The following C21orf58 variants were observed in gnomAD, a reference collection of about 807,000 sequenced individuals.
C21orf58 encodes the protein uncharacterized protein C21orf58.
In C21orf58, 34 loss-of-function variants were observed where a neutral mutation model predicts 35.8. The ratio of observed to expected loss-of-function variants is 0.95; its 90% confidence interval spans 0.72 to 1.26. The LOEUF is 1.26. C21orf58 is among the 50% of genes most tolerant of loss of function. The pLI is 0.00. For synonymous variants in C21orf58, 191 were observed against 175.8 expected (o/e 1.09, Z -0.68); for missense variants, 440 against 414.3 (o/e 1.06, Z -0.54).
At chr21:46,310,054 G>A (rs527620384) in intron 6 of C21orf58, among the ~76,000 whole-genome samples, 15 of 152,006 alleles carry the variant, frequency 9.9e-5, no homozygotes, top group East Asian at 1.9e-4. Context: ...ACATAGTGAC[G>A]GAAAGCTGCT....
chr21:46,321,312 G>C (rs1313889355), intron 1 of C21orf58, among the ~76,000 whole-genome samples: 4 of 152,104 alleles, frequency 2.6e-5, no homozygotes, highest in African/African-American at 9.7e-5. Flanking sequence ...GGGACTACAG[G>C]TACGTGCCAT....
chr21:46,318,131 T>A lies in C21orf58; in HGVS notation c.190A>T (p.Arg64Trp), dbSNP rs559763047. ...EQFFPASNRT[R>W]EGGGLWPPLP... ...GGAGGCCACAGCCCACCTCCCTCCC[T>A]GGTTCTGTTACTCGCAGGAAAGAAC... Residue 64 changes from arginine (R) to tryptophan (W), a missense_variant, in exon 2 of 8, where the codon AGG becomes TGG. Transcript: ENST00000291691. 5.0e-6 allele frequency: 8 copies of A among 1,612,974 alleles called. No homozygotes were observed. Among genetic ancestry groups the A allele is most frequent in the South Asian group, 2.2e-5 (2 of 91,086 alleles).
At chr21:46,304,066 A>G (rs34026281) in intron 6 of C21orf58, among the ~76,000 whole-genome samples, 116,547 of 116,660 alleles carry the variant, frequency 1, 58,218 homozygotes, top group Middle Eastern at 1. Flanking sequence ...TCACTGTGTC[A>G]CCCAGGCTGG....
intron 6 of C21orf58, among the ~76,000 whole-genome samples, chr21:46,308,694 A>G (rs2082536005): frequency 6.6e-6 from 1 of 151,902 alleles, no homozygotes; most frequent in East Asian, 1.9e-4. Context: ...TTGGAACTTA[A>G]TCCTCAATGT....
downstream of C21orf58, chr21:46,301,095 T>G (rs981702390): frequency 4.0e-6 from 4 of 1,012,456 alleles, no homozygotes; most frequent in African/African-American, 6.9e-5. Context: ...CTTTTTTTTT[T>G]TTATTAACTC....
Position 46,316,172 on chromosome 21 carries a change from C to A in C21orf58, c.371-625G>T, listed in dbSNP as rs1047288903. ...TGTCTCAGGAATAAAAAAAAAAAATCTGGCCAGGTGCAGTGAGTCACACCT... is the reference window on the plus strand; with the variant it reads ...TGTCTCAGGAATAAAAAAAAAAAATATGGCCAGGTGCAGTGAGTCACACCT... On this transcript the variant is annotated intron_variant, in intron 3 of 7. Coordinates refer to ENST00000291691, the MANE Select transcript of C21orf58 (RefSeq NM_058180.5). 7.9e-5 allele frequency among the ~76,000 whole-genome samples: 12 copies of A among 151,814 alleles called. No individual in the cohort carries two copies. In the South Asian group the frequency reaches 1.0e-3, roughly 13 times the overall value.
At chr21:46,306,934 C>T (rs575095729) in intron 6 of C21orf58, among the ~76,000 whole-genome samples, 22 of 148,960 alleles carry the variant, frequency 1.5e-4, no homozygotes, top group African/African-American at 5.0e-4. Flanking sequence ...CTTGGTCTGT[C>T]ACCCAGGCTG....
At chr21:46,319,908 T>TA (rs1363919193) in intron 1 of C21orf58, among the ~76,000 whole-genome samples, 6 of 149,782 alleles carry the variant, frequency 4.0e-5, no homozygotes, top group Non-Finnish European at 7.4e-5. Context: ...GGAAAAAAAA[T>TA]AAAAAAAATA....
In C21orf58 at chr21:46,317,337, C is replaced by G. The variant is rs962213093; in HGVS notation, c.310-69G>C. On this transcript the variant is annotated intron_variant, in intron 2 of 7. Coordinates refer to ENST00000291691, the MANE Select transcript of C21orf58 (RefSeq NM_058180.5). ...AAGGCCCTGTGTGCTCCAGGAATGA[C>G]TAAGAGGCTTTCTGAGTGAAAAGAA... 3 of 1,573,034 alleles carry G rather than the reference C, an allele frequency of 1.9e-6. No homozygotes were observed. In the African/African-American group the frequency reaches 4.0e-5, roughly 21 times the overall value.
intron 6 of C21orf58, among the ~76,000 whole-genome samples, chr21:46,310,847 A>G (rs940860774): frequency 4.6e-5 from 7 of 151,318 alleles, no homozygotes; most frequent in African/African-American, 1.7e-4. Flanking sequence ...AAATTTTAAA[A>G]ATCAAGTATT....
Position 46,318,031 on chromosome 21 carries a change from G to A in C21orf58, c.290C>T (p.Thr97Met), listed in dbSNP as rs756981329. 2.9e-5 allele frequency: 46 copies of A among 1,613,302 alleles called. 1 individual carries two copies. The highest frequency in any genetic ancestry group is 1.0e-4 in the Admixed American group (6 of 59,998). Residue 97 changes from threonine (T) to methionine (M), a missense_variant, in exon 2 of 8, where the codon ACG (threonine) becomes ATG (methionine). Coordinates refer to ENST00000291691, the MANE Select transcript of C21orf58 (RefSeq NM_058180.5). ...CCTCACCTGTCCCAAGAGCTTCAGC[G>A]TCAGTCGGGTCACTTGCTCTGCTGC... ...SSAAEQVTRL[T>M]LKLLGQKLEQ...
At position 46,318,104 on chromosome 21, in the gene C21orf58, G is replaced by A. The variant is rs371482177; in HGVS notation, c.217C>T (p.Leu73=). 6.8e-6 allele frequency: 11 copies of A among 1,613,116 alleles called. No homozygotes were observed. In the African/African-American group the frequency reaches 9.3e-5, roughly 14 times the overall value. ...TREGGGLWPP[L]PLQSSPAAPT... Reference sequence around the variant, plus strand: ...GCTGCAGGAGACGACTGTAGGGGCAGGGGAGGCCACAGCCCACCTCCCTCC... The same window carrying A: ...GCTGCAGGAGACGACTGTAGGGGCAAGGGAGGCCACAGCCCACCTCCCTCC... Residue 73 remains leucine (L), a synonymous_variant, in exon 2 of 8, where the codon CTG becomes TTG. Coordinates refer to ENST00000291691, the MANE Select transcript of C21orf58 (RefSeq NM_058180.5).
At chr21:46,321,559 G>C (rs546579641) in intron 1 of C21orf58, among the ~76,000 whole-genome samples, 6 of 152,202 alleles carry the variant, frequency 3.9e-5, no homozygotes, top group African/African-American at 1.4e-4. Flanking sequence ...AAGAGTACTG[G>C]GCAGATATTT....
rs541860050 is a variant in C21orf58, at chr21:46,317,998, G to A, written c.309+14C>T. 1.7e-5 allele frequency: 28 copies of A among 1,612,668 alleles called. No homozygotes were observed. Among genetic ancestry groups the A allele is most frequent in the Middle Eastern group, 1.7e-4 (1 of 6,054 alleles). Reference sequence around the variant, plus strand: ...GAGTTGTTAAAAACAGGAGCATCCCGGGCTCTGCCTCACCTGTCCCAAGAG... The same window carrying A: ...GAGTTGTTAAAAACAGGAGCATCCCAGGCTCTGCCTCACCTGTCCCAAGAG... On this transcript the variant is annotated intron_variant, in intron 2 of 7. Transcript: ENST00000291691.
intron 1 of C21orf58, chr21:46,318,652 G>T: frequency 9.3e-7 from 1 of 1,078,362 alleles, no homozygotes; most frequent in South Asian, 2.8e-5. Flanking sequence ...GGAGGACAGG[G>T]TGAGGAGACT....
At chr21:46,313,396 A>G (rs1183801530) in intron 5 of C21orf58, among the ~76,000 whole-genome samples, 3 of 152,176 alleles carry the variant, frequency 2.0e-5, no homozygotes, top group Non-Finnish European at 4.4e-5. Flanking sequence ...CAGACCCATG[A>G]GGCTTTCTTA....
intron 7 of C21orf58, 120 bp from the exon 8 acceptor site, chr21:46,302,274 T>C: frequency 2.8e-6 from 4 of 1,420,848 alleles, no homozygotes; most frequent in Non-Finnish European, 3.7e-6. Context: ...GGTCTAAGCA[T>C]CCTCCCAGAG....
intron 6 of C21orf58, among the ~76,000 whole-genome samples, chr21:46,303,739 ATATATATTTTTTTTTT>A (rs1265266961): frequency 0.031 from 875 of 28,198 alleles, 37 homozygotes; most frequent in Non-Finnish European, 0.036. Flanking sequence ...ATATATATAT[ATATATATTTTTTTTTT>A]TTTTTTTTTT....
chr21:46,322,756 G>A lies in C21orf58; in HGVS notation c.-18C>T, dbSNP rs1222618094. ...CGCGCCATTGCGCTATAGCCTGGGC[G>A]TCGCAGCGAGACTGTCTCAAAAAAA... On this transcript the variant is annotated 5_prime_UTR_variant, in exon 1 of 8. In the 5' UTR this introduces an upstream ATG that the reference lacks. Transcript: ENST00000291691. 14 of 1,440,750 alleles carry A rather than the reference G, an allele frequency of 9.7e-6. No individual in the cohort carries two copies. Among genetic ancestry groups the A allele is most frequent in the South Asian group, 1.4e-5 (1 of 72,912 alleles). 89.2% of individuals were successfully genotyped at this position (1,440,750 alleles called of 1,614,324 possible).
Sources: gnomAD v4.1 joint callset for allele counts (sites outside exome capture counted in the v4.1 genomes callset) on GRCh38, gnomAD v4.1.1 for gene constraint, MANE v1.5 for transcripts, NCBI Gene and HGNC (gene_info 2026-07-23, HGNC 2026-07-21) for gene names.